The following ZBTB7C variants were observed in gnomAD, a reference collection of about 807,000 sequenced individuals.
ZBTB7C encodes the protein zinc finger and BTB domain-containing protein 7C.
ZBTB7C carries 8 observed loss-of-function variants against 25.7 expected under a neutral mutation model. The observed-to-expected ratio is 0.31, with a 90% CI of 0.18 to 0.56. The LOEUF is 0.56. Ranked by LOEUF, ZBTB7C falls within the 20% of genes least tolerant of loss-of-function variation. The pLI is 0.91. For missense variants in ZBTB7C, 824 were observed against 855.2 expected (o/e 0.96, Z 0.46); for synonymous variants, 394 against 369.0 (o/e 1.07, Z -0.78).
intron 3 of ZBTB7C, among the ~76,000 whole-genome samples, chr18:48,175,023 C>T (rs1158134553): frequency 6.6e-6 from 1 of 152,132 alleles, no homozygotes; most frequent in East Asian, 1.9e-4. Context: ...TTTCTATCTC[C>T]AACTAAACCT....
intron 2 of ZBTB7C, among the ~76,000 whole-genome samples, chr18:48,280,261 C>A (rs1012745805): frequency 6.6e-6 from 1 of 151,972 alleles, no homozygotes; most frequent in Non-Finnish European, 1.5e-5. Context: ...AGGGTTTCAC[C>A]GACTCCCGAG....
chr18:48,145,740 G>A (rs1181512915), intron 3 of ZBTB7C, among the ~76,000 whole-genome samples: 3 of 152,182 alleles, frequency 2.0e-5, no homozygotes, highest in African/African-American at 7.2e-5. Flanking sequence ...CTCTATTTGT[G>A]TCCGTCTATA....
chr18:48,160,205 A>G (rs2040961798), intron 3 of ZBTB7C, among the ~76,000 whole-genome samples: 1 of 152,016 alleles, frequency 6.6e-6, no homozygotes, highest in Non-Finnish European at 1.5e-5. Context: ...TCGCTAGCAC[A>G]CTCAGTGACA....
intron 2 of ZBTB7C, among the ~76,000 whole-genome samples, chr18:48,191,158 G>C (rs2042184888): frequency 6.6e-6 from 1 of 152,142 alleles, no homozygotes; most frequent in African/African-American, 2.4e-5. Context: ...GGTAGGAACG[G>C]GCTGTGCTTT....
chr18:48,223,657 T>G (rs912375239), intron 2 of ZBTB7C, among the ~76,000 whole-genome samples: 7 of 152,026 alleles, frequency 4.6e-5, no homozygotes, highest in African/African-American at 1.7e-4. Context: ...TACAAAGAGG[T>G]GGCCAGGAGT....
intron 1 of ZBTB7C, among the ~76,000 whole-genome samples, chr18:48,364,929 T>C (rs560086787): frequency 6.6e-6 from 1 of 152,270 alleles, no homozygotes; most frequent in Admixed American, 6.5e-5. Flanking sequence ...CTAAACACAG[T>C]TTGCTGGGCC....
chr18:48,361,458 A>C (rs1416776532), intron 1 of ZBTB7C, among the ~76,000 whole-genome samples: 1 of 152,224 alleles, frequency 6.6e-6, no homozygotes, highest in African/African-American at 2.4e-5. Flanking sequence ...TTTGCTAAAC[A>C]TAGAAATCTA....
At chr18:48,238,183 CTTTA>C (rs966558412) in intron 2 of ZBTB7C, among the ~76,000 whole-genome samples, 45 of 152,228 alleles carry the variant, frequency 3.0e-4, no homozygotes, top group African/African-American at 1.0e-3. Context: ...AAGTGGGTGG[CTTTA>C]AGTTACTTGG....
intron 3 of ZBTB7C, among the ~76,000 whole-genome samples, chr18:48,167,091 G>A (rs539427400): frequency 1.3e-5 from 2 of 152,228 alleles, no homozygotes; most frequent in African/African-American, 4.8e-5. Flanking sequence ...ATGGCCATCC[G>A]GAGGTAGTCC....
chr18:48,308,455 G>C (rs141205319), intron 2 of ZBTB7C, among the ~76,000 whole-genome samples: 1 of 152,272 alleles, frequency 6.6e-6, no homozygotes, highest in East Asian at 1.9e-4. Flanking sequence ...TTCTGCCTTG[G>C]TTTCTCAGTG....
Position 48,165,063 on chromosome 18 carries a change from C to T in ZBTB7C, c.-17+20871G>A, listed in dbSNP as rs1193763200. The stretch of plus-strand genomic sequence containing the variant: ...CTGTTGCTGATCAAGAGGTAGATCA[C>T]CTTGTGCTTGAACACATTCCCACAA... On this transcript the variant is annotated intron_variant, in intron 3 of 4. Coordinates refer to ENST00000590800, the MANE Select transcript of ZBTB7C (RefSeq NM_001318841.2). The T allele has an allele frequency of 1.3e-4, 159 of 1,267,932 alleles. No individual in the cohort carries two copies. In the South Asian group the frequency reaches 1.9e-3, roughly 15 times the overall value. The allele number at this position is 1,267,932 out of a possible 1,614,324, so 78.5% of individuals were successfully genotyped here.
intron 3 of ZBTB7C, among the ~76,000 whole-genome samples, chr18:48,042,949 T>A (rs1294133019): frequency 6.6e-6 from 1 of 152,180 alleles, no homozygotes; most frequent in Non-Finnish European, 1.5e-5. Context: ...AAACAGAGTA[T>A]ACAGATGGCA....
At chr18:48,294,353 A>G (rs771611552) in intron 2 of ZBTB7C, among the ~76,000 whole-genome samples, 5 of 143,722 alleles carry the variant, frequency 3.5e-5, no homozygotes, top group Non-Finnish European at 7.6e-5. Context: ...GCACACCCCC[A>G]CCCCCACTCC....
chr18:48,215,214 G>A lies in ZBTB7C; in HGVS notation c.-78-29219C>T, dbSNP rs7236633. Reference sequence around the variant, plus strand: ...AACCTTAGAAGACACAGAAGCCAACGGTCCACTTGGGGTAGACTCCTCTCC... The same window carrying A: ...AACCTTAGAAGACACAGAAGCCAACAGTCCACTTGGGGTAGACTCCTCTCC... On this transcript the variant is annotated intron_variant, in intron 2 of 4. Coordinates refer to ENST00000590800, the MANE Select transcript of ZBTB7C (RefSeq NM_001318841.2). 4.5e-3 allele frequency among the ~76,000 whole-genome samples: 678 copies of A among 152,226 alleles called. 4 individuals carry two copies. The highest frequency in any genetic ancestry group is 0.015 in the African/African-American group (640 of 41,528).
chr18:48,410,490 C>G (rs1165560825), upstream of ZBTB7C, among the ~76,000 whole-genome samples: 3 of 152,200 alleles, frequency 2.0e-5, no homozygotes, highest in African/African-American at 7.2e-5. Context: ...CGGAGTCTGT[C>G]GGGGCAGGAG....
chr18:48,234,047 AC>A (rs2043317721), intron 2 of ZBTB7C, among the ~76,000 whole-genome samples: 1 of 151,862 alleles, frequency 6.6e-6, no homozygotes, highest in African/African-American at 2.4e-5. Context: ...ACTGATCACA[AC>A]CCAATAGCCT....
intron 3 of ZBTB7C, among the ~76,000 whole-genome samples, chr18:48,159,104 C>T (rs563365602): frequency 2.6e-5 from 4 of 152,344 alleles, no homozygotes; most frequent in African/African-American, 9.6e-5. Flanking sequence ...AGCATAACCA[C>T]ATTCTGTGTT....
At chr18:48,384,842 C>A (rs1381833019) in intron 1 of ZBTB7C, among the ~76,000 whole-genome samples, 1 of 152,042 alleles carries the variant, frequency 6.6e-6, no homozygotes, top group Non-Finnish European at 1.5e-5. Flanking sequence ...CCACCATGCC[C>A]GGCTAATTTT....
intron 1 of ZBTB7C, among the ~76,000 whole-genome samples, chr18:48,390,010 A>C (rs1351203769): frequency 6.6e-6 from 1 of 152,226 alleles, no homozygotes; most frequent in Non-Finnish European, 1.5e-5. Flanking sequence ...CACTGGTGTC[A>C]AATGAAGCTA....
Sources: allele counts gnomAD v4.1 joint callset (sites outside exome capture counted in the v4.1 genomes callset), GRCh38; gene constraint gnomAD v4.1.1; transcripts MANE v1.5; gene names NCBI Gene and HGNC (gene_info 2026-07-23, HGNC 2026-07-21).